Variants in DNER observed in about 807,000 individuals in gnomAD.
The protein encoded by DNER is delta/notch like EGF repeat containing.
In DNER, 33 loss-of-function variants were observed where a neutral mutation model predicts 78.2. The observed-to-expected ratio is 0.42, with a 90% confidence interval of 0.32 to 0.56. The LOEUF is 0.56. Among genes scored for constraint, DNER ranks in the 20% least tolerant of loss-of-function variants. The pLI, the probability that DNER is intolerant of heterozygous loss-of-function variation, is 0.11. For missense variants in DNER, 918 were observed against 975.3 expected (o/e 0.94, Z 0.78); for synonymous variants, 417 against 384.8 (o/e 1.08, Z -0.98).
chr2:229,602,411 T>C (rs1277081414), intron 1 of DNER, among the ~76,000 whole-genome samples: 3 of 152,198 alleles, frequency 2.0e-5, no homozygotes, highest in African/African-American at 7.2e-5. Flanking sequence ...ACAGTTTCTC[T>C]CTGAAACTGG....
At chr2:229,433,964 A>G (rs887348994) in intron 8 of DNER, among the ~76,000 whole-genome samples, 5 of 152,230 alleles carry the variant, frequency 3.3e-5, no homozygotes, top group Non-Finnish European at 5.9e-5. Flanking sequence ...GAAAGAAAGA[A>G]AAAAGCATAA....
intron 6 of DNER, among the ~76,000 whole-genome samples, chr2:229,499,106 T>C (rs934769029): frequency 1.3e-5 from 2 of 152,126 alleles, no homozygotes; most frequent in East Asian, 1.9e-4. Flanking sequence ...AACAAATCTA[T>C]GCTTTTGCAG....
intron 1 of DNER, among the ~76,000 whole-genome samples, chr2:229,672,346 G>C (rs752074823): frequency 9.2e-5 from 14 of 152,048 alleles, no homozygotes; most frequent in Non-Finnish European, 2.1e-4. Flanking sequence ...AGAGCAGCCG[G>C]ACTTTTGAGA....
At chr2:229,478,407 G>A (rs1000420807) in intron 6 of DNER, among the ~76,000 whole-genome samples, 16 of 152,196 alleles carry the variant, frequency 1.1e-4, no homozygotes, top group Non-Finnish European at 4.4e-5. Context: ...CAAATAGATT[G>A]TAAATTACAG....
chr2:229,431,388 C>T (rs1263388687), intron 8 of DNER, among the ~76,000 whole-genome samples: 4 of 152,086 alleles, frequency 2.6e-5, no homozygotes, highest in African/African-American at 9.7e-5. Flanking sequence ...TCTGGGGAAT[C>T]TTTCTAGCCA....
chr2:229,453,939 A>AAAAAAAAAAAAG (rs1694516185), intron 7 of DNER, among the ~76,000 whole-genome samples: 2 of 138,288 alleles, frequency 1.4e-5, no homozygotes, highest in African/African-American at 2.6e-5. Context: ...AAAAAAAAAA[A>AAAAAAAAAAAAG]AAAGAAAGAA....
At chr2:229,528,711 A>G (rs897261149) in intron 5 of DNER, among the ~76,000 whole-genome samples, 2 of 152,196 alleles carry the variant, frequency 1.3e-5, no homozygotes, top group Non-Finnish European at 2.9e-5. Context: ...TGCTGTCCCC[A>G]TGAATTCTCT....
Position 229,609,771 on chromosome 2 carries a change from G to A in DNER, c.277-17883C>T, listed in dbSNP as rs565272643. ...ACCCAATGCAGGAAAAGGCAAGGACGATTTTCTTCTGTGGATTGTACATTC... is the reference window on the plus strand; with the variant it reads ...ACCCAATGCAGGAAAAGGCAAGGACAATTTTCTTCTGTGGATTGTACATTC... On this transcript the variant is annotated intron_variant, in intron 1 of 12. Coordinates refer to ENST00000341772, the MANE Select transcript of DNER (RefSeq NM_139072.4). Among the ~76,000 whole-genome samples, 6 of 152,270 alleles carry A rather than the reference G, an allele frequency of 3.9e-5. No individual in the cohort carries two copies. In the South Asian group the frequency reaches 6.2e-4, roughly 16 times the overall value.
chr2:229,515,925 A>G (rs1437092988), intron 5 of DNER, among the ~76,000 whole-genome samples: 1 of 152,164 alleles, frequency 6.6e-6, no homozygotes, highest in Non-Finnish European at 1.5e-5. Flanking sequence ...TACAGGCATG[A>G]GCCACCGCAC....
At chr2:229,691,393 C>T (rs891094885) in intron 1 of DNER, among the ~76,000 whole-genome samples, 1 of 152,062 alleles carries the variant, frequency 6.6e-6, no homozygotes, top group African/African-American at 2.4e-5. Context: ...AAACTACTAT[C>T]CTTTGAGTTT....
At chr2:229,372,953 G>A (rs569913992) in intron 11 of DNER, among the ~76,000 whole-genome samples, 2 of 152,244 alleles carry the variant, frequency 1.3e-5, no homozygotes, top group Admixed American at 6.5e-5. Flanking sequence ...TGCTGTAGCC[G>A]AGTGAGACGA....
At chr2:229,424,585 A>G (rs766170763) in intron 8 of DNER, among the ~76,000 whole-genome samples, 15 of 152,016 alleles carry the variant, frequency 9.9e-5, no homozygotes, top group Non-Finnish European at 1.8e-4. Flanking sequence ...GAGTCCTCAC[A>G]TGTCCTTTTC....
intron 1 of DNER, among the ~76,000 whole-genome samples, chr2:229,620,931 A>G (rs540765215): frequency 1.3e-5 from 2 of 152,162 alleles, no homozygotes; most frequent in Non-Finnish European, 2.9e-5. Context: ...AGCCAAGGAG[A>G]AAGGCCTCAG....
At chr2:229,614,362 A>T (rs1273936131) in intron 1 of DNER, among the ~76,000 whole-genome samples, 2 of 152,194 alleles carry the variant, frequency 1.3e-5, no homozygotes, top group African/African-American at 4.8e-5. Context: ...AGCATCTAAA[A>T]ATTCAAGATC....
chr2:229,502,939 C>T (rs1038149345), intron 6 of DNER, among the ~76,000 whole-genome samples: 2 of 152,110 alleles, frequency 1.3e-5, no homozygotes, highest in Non-Finnish European at 2.9e-5. Flanking sequence ...GAGGGGATAG[C>T]GAGAATGCTG....
intron 6 of DNER, among the ~76,000 whole-genome samples, chr2:229,484,714 T>C (rs553868154): frequency 6.6e-6 from 1 of 152,210 alleles, no homozygotes; most frequent in East Asian, 1.9e-4. Flanking sequence ...TGCTGAACAC[T>C]CTCCAATACA....
intron 1 of DNER, among the ~76,000 whole-genome samples, chr2:229,622,836 G>C (rs1698272635): frequency 2.0e-5 from 3 of 152,168 alleles, no homozygotes; most frequent in African/African-American, 2.4e-5. Context: ...GAAGCCAGGA[G>C]AGAGGCTTGG....
intron 7 of DNER, among the ~76,000 whole-genome samples, chr2:229,468,041 C>T (rs914625823): frequency 6.6e-6 from 1 of 152,140 alleles, no homozygotes; most frequent in Non-Finnish European, 1.5e-5. Context: ...CCGTTTCAGT[C>T]CAGAGGTACC....
At chr2:229,398,289 A>T (rs77584303) in intron 10 of DNER, among the ~76,000 whole-genome samples, 1 of 152,240 alleles carries the variant, frequency 6.6e-6, no homozygotes, top group African/African-American at 2.4e-5. Flanking sequence ...CCTCAAAAAA[A>T]AATCACAACT....
Sources: allele counts gnomAD v4.1 joint callset (sites outside exome capture counted in the v4.1 genomes callset), GRCh38; gene constraint gnomAD v4.1.1; transcripts MANE v1.5; gene names NCBI Gene and HGNC (gene_info 2026-07-23, HGNC 2026-07-21).